RBMS3: variants seen among roughly 807,000 people sequenced by gnomAD.
The protein encoded by RBMS3 is RNA binding motif single stranded interacting protein 3.
RBMS3 carries 27 observed loss-of-function variants against 66.8 expected under a neutral mutation model. That is an observed-to-expected ratio of 0.40 (90% confidence interval 0.30 to 0.56). The LOEUF (loss-of-function observed/expected upper bound fraction) is 0.56. Ranked by LOEUF, RBMS3 falls within the 20% of genes least tolerant of loss-of-function variation. The pLI is 0.40. For synonymous variants in RBMS3, 188 were observed against 183.0 expected (o/e 1.03, Z -0.22); for missense variants, 513 against 549.5 (o/e 0.93, Z 0.66).
At chr3:29,666,706 T>G (rs1179559755) in intron 4 of RBMS3, among the ~76,000 whole-genome samples, 2 of 152,202 alleles carry the variant, frequency 1.3e-5, no homozygotes. Context: ...ATTTGCATCA[T>G]CGGCATTAAT....
At chr3:29,556,537 A>G in intron 3 of RBMS3, 1 of 152,462 alleles carries the variant, frequency 6.6e-6, no homozygotes, top group Non-Finnish European at 1.5e-5. Flanking sequence ...CGGGAGGCGG[A>G]GGTTGCAGTG....
intron 6 of RBMS3, among the ~76,000 whole-genome samples, chr3:29,804,463 A>G (rs1481521805): frequency 6.6e-6 from 1 of 152,080 alleles, no homozygotes; most frequent in Non-Finnish European, 1.5e-5. Context: ...CAAATGGCAA[A>G]AAAGAACCCT....
chr3:29,428,365 G>A (rs778006527), intron 1 of RBMS3, among the ~76,000 whole-genome samples: 1 of 152,100 alleles, frequency 6.6e-6, no homozygotes, highest in African/African-American at 2.4e-5. Flanking sequence ...CCCTAAAACA[G>A]AGAATTATCT....
chr3:29,608,044 TCTA>T (rs1426536435), intron 4 of RBMS3, among the ~76,000 whole-genome samples: 2 of 151,936 alleles, frequency 1.3e-5, no homozygotes, highest in Admixed American at 6.6e-5. Flanking sequence ...CAACATTTAT[TCTA>T]CTATGAATCT....
intron 12 of RBMS3, among the ~76,000 whole-genome samples, chr3:29,974,604 T>A (rs372687185): frequency 9.2e-5 from 14 of 151,678 alleles, no homozygotes; most frequent in Admixed American, 6.6e-5. Flanking sequence ...CCTTTTATAA[T>A]CCCCACAAAA....
At position 29,863,305 on chromosome 3, in the gene RBMS3, CATGTATACAT is replaced by C. The variant is rs541160766; in HGVS notation, c.638-5537_638-5528del. On this transcript the variant is annotated intron_variant, in intron 6 of 14. Transcript: ENST00000383767. Reference sequence around the variant, plus strand: ...ATGGGTGCAGCACACCAACATGGCACATGTATACATATGTATACATATGTAACAAACCTGC... The same window carrying C: ...ATGGGTGCAGCACACCAACATGGCACATGTATACATATGTAACAAACCTGC... Among the ~76,000 whole-genome samples the C allele has an allele frequency of 5.3e-5, 8 of 150,824 alleles. No homozygotes were observed. The East Asian group carries it at 5.9e-4, about 11-fold the overall frequency.
intron 1 of RBMS3, among the ~76,000 whole-genome samples, chr3:29,339,161 G>C (rs964088267): frequency 2.6e-5 from 4 of 152,196 alleles, no homozygotes; most frequent in Non-Finnish European, 2.9e-5. Context: ...TAGGGCCCAT[G>C]CCGTAATTCT....
intron 10 of RBMS3, among the ~76,000 whole-genome samples, chr3:29,916,486 A>G (rs1234775041): frequency 6.6e-6 from 1 of 151,902 alleles, no homozygotes; most frequent in Non-Finnish European, 1.5e-5. Context: ...TTTTTTTAGA[A>G]AACTTACTTA....
chr3:29,630,920 G>T (rs1018002305), intron 4 of RBMS3, among the ~76,000 whole-genome samples: 2 of 151,890 alleles, frequency 1.3e-5, no homozygotes, highest in African/African-American at 4.8e-5. Context: ...ACTGGGAAGG[G>T]AGTTTTCTTG....
chr3:29,372,257 G>T (rs1306590604), intron 1 of RBMS3, among the ~76,000 whole-genome samples: 1 of 152,106 alleles, frequency 6.6e-6, no homozygotes, highest in African/African-American at 2.4e-5. Flanking sequence ...TTGAACCCGG[G>T]TCGTGGAGGC....
chr3:29,507,932 G>C (rs2044246806), intron 3 of RBMS3, among the ~76,000 whole-genome samples: 1 of 151,964 alleles, frequency 6.6e-6, no homozygotes. Flanking sequence ...AATGACTAAA[G>C]TAGTATTAGC....
At chr3:29,737,117 C>T (rs1289701366) in intron 4 of RBMS3, among the ~76,000 whole-genome samples, 5 of 152,026 alleles carry the variant, frequency 3.3e-5, no homozygotes, top group African/African-American at 1.2e-4. Context: ...GCTGGGACTA[C>T]AGGCGCCCGC....
At chr3:29,897,711 T>C (rs1198859762) in intron 9 of RBMS3, among the ~76,000 whole-genome samples, 1 of 151,638 alleles carries the variant, frequency 6.6e-6, no homozygotes, top group African/African-American at 2.4e-5. Context: ...GTTTTCATGA[T>C]TATGCTACTG....
chr3:29,892,261 C>T (rs1396071904), intron 8 of RBMS3, among the ~76,000 whole-genome samples: 2 of 151,484 alleles, frequency 1.3e-5, no homozygotes, highest in African/African-American at 2.4e-5. Context: ...ACTTAGTTAA[C>T]GTCTCTTAGC....
At chr3:29,881,317 A>T (rs1394558010) in intron 7 of RBMS3, among the ~76,000 whole-genome samples, 2 of 152,062 alleles carry the variant, frequency 1.3e-5, no homozygotes, top group East Asian at 1.9e-4. Context: ...TATGGCACTT[A>T]ACACATATTG....
At chr3:29,926,930 C>G (rs1182832784) in intron 10 of RBMS3, 1 of 152,202 alleles carries the variant, frequency 6.6e-6, no homozygotes, top group Non-Finnish European at 1.5e-5. Flanking sequence ...TAAAACAGTT[C>G]ATGGCATAGC....
chr3:29,711,041 T>G (rs1204423106), intron 4 of RBMS3, among the ~76,000 whole-genome samples: 1 of 152,154 alleles, frequency 6.6e-6, no homozygotes, highest in Non-Finnish European at 1.5e-5. Context: ...AGCCCCCCAG[T>G]GGATGCCTGA....
At chr3:29,339,643 G>A (rs1364138378) in intron 1 of RBMS3, among the ~76,000 whole-genome samples, 2 of 151,790 alleles carry the variant, frequency 1.3e-5, no homozygotes, top group Admixed American at 6.6e-5. Flanking sequence ...TTAGTGAGGG[G>A]AATAGCGGTA....
At chr3:29,644,655 T>G (rs1354738861) in intron 4 of RBMS3, among the ~76,000 whole-genome samples, 1 of 152,226 alleles carries the variant, frequency 6.6e-6, no homozygotes, top group Non-Finnish European at 1.5e-5. Context: ...AGTTTTGAAC[T>G]GTCATCCAAT....
Sources: gnomAD v4.1 joint callset for allele counts (sites outside exome capture counted in the v4.1 genomes callset) on GRCh38, gnomAD v4.1.1 for gene constraint, MANE v1.5 for transcripts, NCBI Gene and HGNC (gene_info 2026-07-23, HGNC 2026-07-21) for gene names.